The following COQ8A variants were observed in gnomAD, a reference collection of about 807,000 sequenced individuals.
The protein encoded by COQ8A is coenzyme Q8A.
COQ8A carries 51 observed loss-of-function variants against 65.0 expected under a neutral mutation model. That is an observed-to-expected ratio of 0.78 (90% CI 0.63 to 0.99). COQ8A has a LOEUF of 0.99. Ranked by LOEUF, COQ8A falls within the 50% of genes least tolerant of loss-of-function variation. The probability of loss-of-function intolerance (pLI) is 0.00; values close to 1 mark genes in which losing one functional copy is unlikely to be tolerated. For missense variants in COQ8A, 940 were observed against 875.0 expected, an observed-to-expected ratio of 1.07 and a Z score of -0.94; for synonymous variants, 371 against 353.2, an observed-to-expected ratio of 1.05 and a Z score of -0.57.
intron 6 of COQ8A, 61 bp from the exon 7 acceptor site, chr1:226,982,617 C>A: frequency 6.4e-7 from 1 of 1,573,618 alleles, no homozygotes; most frequent in South Asian, 1.1e-5. Flanking sequence ...TGTGCCCGCC[C>A]AGGTCCTGGG....
chr1:226,976,522 C>G (rs879010126), intron 4 of COQ8A, among the ~76,000 whole-genome samples: 21 of 152,104 alleles, frequency 1.4e-4, no homozygotes, highest in Admixed American at 7.9e-4. Context: ...TCAGCCCTGC[C>G]GGCCATGGTC....
chr1:226,961,389 G>C lies in COQ8A; in HGVS notation c.4G>C (p.Ala2Pro), dbSNP rs749147197. ...TCCTCTCTTCCAGCCCTGAAGGATG[G>C]CTGCCATATTGGGAGACACCATCAT... MAAILGDTIMVA... is the reference protein window; with the variant it reads MPAILGDTIMVA... Residue 2 changes from alanine to proline, a missense_variant, in exon 2 of 15, where the codon GCT becomes CCT. Coordinates refer to ENST00000366777, the MANE Select transcript of COQ8A (RefSeq NM_020247.5). 19 of 1,613,554 alleles carry C rather than the reference G, an allele frequency of 1.2e-5. No homozygotes were observed. The highest frequency in any genetic ancestry group is 1.5e-5 in the Non-Finnish European group (18 of 1,180,026).
intron 2 of COQ8A, among the ~76,000 whole-genome samples, chr1:226,963,087 C>T (rs1159216894): frequency 6.6e-6 from 1 of 152,248 alleles, no homozygotes; most frequent in East Asian, 1.9e-4. Context: ...CTGGACAGGC[C>T]TTAGCCCTAA....
chr1:226,965,401 C>T lies in COQ8A; in HGVS notation c.579C>T (p.His193=). The T allele has an allele frequency of 6.2e-7, 1 of 1,609,546 alleles. No homozygotes were observed. The change falls in exon 3 of 15, where the codon CAC becomes CAT. Residue 193 remains histidine (H), a synonymous_variant. Transcript: ENST00000366777. Reference sequence around the variant, plus strand: ...AGGCTCGCCCCGAGAACAAGCAGCACAAACAGACGGTGCGTATGGGAGGCC... The same window carrying T: ...AGGCTCGCCCCGAGAACAAGCAGCATAAACAGACGGTGCGTATGGGAGGCC... ...QAKARPENKQ[H]KQTLSEHARE...
At chr1:226,984,812 C>G in intron 12 of COQ8A, 64 bp from the exon 13 acceptor site, 1 of 1,571,520 alleles carries the variant, frequency 6.4e-7, no homozygotes, top group East Asian at 2.2e-5. Context: ...ACCCCCTTCC[C>G]GGCCCCACAC....
intron 1 of COQ8A, 135 bp downstream of exon 1, chr1:226,940,534 G>T (rs1656625598): frequency 6.6e-6 from 1 of 152,470 alleles, no homozygotes; most frequent in African/African-American, 2.4e-5. Flanking sequence ...AGTTTCGCTG[G>T]CCGCGAGCCT....
At chr1:226,961,619 T>C in intron 2 of COQ8A, 57 bp downstream of exon 2, 1 of 1,551,058 alleles carries the variant, frequency 6.4e-7, no homozygotes, top group Non-Finnish European at 8.7e-7. Context: ...GACCTGGAGC[T>C]CTGGGGGAGA....
intron 4 of COQ8A, among the ~76,000 whole-genome samples, chr1:226,976,444 C>T (rs945107010): frequency 1.6e-4 from 25 of 151,980 alleles, no homozygotes; most frequent in African/African-American, 5.8e-4. Context: ...GGCTGCGGGG[C>T]TGCGATGTTG....
chr1:226,982,573 T>G, intron 6 of COQ8A, 105 bp from the exon 7 acceptor site: 5 of 1,212,144 alleles, frequency 4.1e-6, no homozygotes, highest in Non-Finnish European at 6.1e-6. Flanking sequence ...GTGCTCCTGG[T>G]GGGGAGGGTG....
At chr1:226,954,922 T>TG (rs1247021481) in intron 1 of COQ8A, among the ~76,000 whole-genome samples, 2 of 152,082 alleles carry the variant, frequency 1.3e-5, no homozygotes, top group African/African-American at 4.8e-5. Flanking sequence ...GGAGGCATGT[T>TG]GGGGAAGCCT....
At chr1:226,974,550 C>T (rs748696405) in intron 4 of COQ8A, among the ~76,000 whole-genome samples, 4 of 152,352 alleles carry the variant, frequency 2.6e-5, no homozygotes, top group African/African-American at 9.6e-5. Context: ...CTGGAGTTGC[C>T]TCCAGTGCTG....
intron 4 of COQ8A, among the ~76,000 whole-genome samples, chr1:226,970,897 G>C (rs992970679): frequency 2.0e-5 from 3 of 151,482 alleles, no homozygotes; most frequent in Non-Finnish European, 4.4e-5. Context: ...CTCTCTTACA[G>C]TGTAGTCTGT....
chr1:226,954,821 T>C (rs890193388), intron 1 of COQ8A, among the ~76,000 whole-genome samples: 2 of 152,230 alleles, frequency 1.3e-5, no homozygotes, highest in African/African-American at 4.8e-5. Flanking sequence ...TTGTAGTCCT[T>C]GTCCTGTGGC....
At chr1:226,943,600 CAG>C (rs1454031187) in intron 1 of COQ8A, among the ~76,000 whole-genome samples, 2 of 152,168 alleles carry the variant, frequency 1.3e-5, no homozygotes, top group Non-Finnish European at 2.9e-5. Flanking sequence ...GATTTCTAAT[CAG>C]GGGGAGGAGC....
intron 1 of COQ8A, among the ~76,000 whole-genome samples, chr1:226,960,326 GTAT>G (rs1489583391): frequency 6.9e-4 from 33 of 47,556 alleles, no homozygotes; most frequent in Middle Eastern, 0.016. Context: ...CTTGGTGGTG[GTAT>G]CAGTGGTACT....
chr1:226,941,505 G>A (rs1656689699), intron 1 of COQ8A, among the ~76,000 whole-genome samples: 1 of 152,032 alleles, frequency 6.6e-6, no homozygotes, highest in South Asian at 2.1e-4. Flanking sequence ...GGTGGCTCAC[G>A]CCTGTAATCC....
At chr1:226,948,226 C>G (rs1657165304) in intron 1 of COQ8A, among the ~76,000 whole-genome samples, 1 of 152,194 alleles carries the variant, frequency 6.6e-6, no homozygotes, top group Non-Finnish European at 1.5e-5. Context: ...CGACCCCTTG[C>G]CTTTTCCAGC....
At position 226,946,649 on chromosome 1, in the gene COQ8A, G is replaced by T. The variant is rs1657063120; in HGVS notation, c.-10+6250G>T. On this transcript the variant is annotated intron_variant, in intron 1 of 14. Coordinates refer to ENST00000366777, the MANE Select transcript of COQ8A (RefSeq NM_020247.5). This position sits in a 1 kb window ranked among gnomAD's most constrained non-coding sequence, Gnocchi z 5.3. Reference sequence around the variant, plus strand: ...TCTGTCTAGGATTGCCCCTTGTCTGGGTTAACTGGGTGATTTTAAAAGCTA... The same window carrying T: ...TCTGTCTAGGATTGCCCCTTGTCTGTGTTAACTGGGTGATTTTAAAAGCTA... 6.6e-6 allele frequency among the ~76,000 whole-genome samples: 1 copy of T among 152,150 alleles called. No individual in the cohort carries two copies. The highest frequency in any genetic ancestry group is 2.4e-5 in the African/African-American group (1 of 41,422).
At position 226,965,321 on chromosome 1, in the gene COQ8A, CAATCCCCTG is replaced by C. The variant is rs749707442; in HGVS notation, c.500_508del (p.Gln167_Val170delinsLeu). 3.7e-6 allele frequency: 6 copies of C among 1,613,728 alleles called. No individual in the cohort carries two copies. The Admixed American group carries it at 5.0e-5, about 13-fold the overall frequency. The stretch of plus-strand genomic sequence containing the variant: ...TCAGCGAAGGTTCTTCCACCAGGAC[CAATCCCCTG>C]TTGGGGGCCTCACAGCCGAGGACAT... On this transcript the variant is annotated inframe_deletion, in exon 3 of 15. Coordinates refer to ENST00000366777, the MANE Select transcript of COQ8A (RefSeq NM_020247.5).
Sources: gnomAD v4.1 joint callset for allele counts (sites outside exome capture counted in the v4.1 genomes callset) on GRCh38, gnomAD v4.1.1 for gene constraint, Gnocchi (gnomAD v3.1) non-coding constraint, MANE v1.5 for transcripts, NCBI Gene and HGNC (gene_info 2026-07-23, HGNC 2026-07-21) for gene names.